Variants in TRMT9B observed in about 807,000 individuals in gnomAD.
The protein encoded by TRMT9B is probable tRNA methyltransferase 9B.
Under a neutral mutation model 11.5 loss-of-function variants are expected in TRMT9B, and 16 were observed. That is an observed-to-expected ratio of 1.39 (90% CI 0.94 to 2.11). The LOEUF is 2.11. Among genes scored for constraint, TRMT9B ranks in the 30% most tolerant of loss-of-function variants. The pLI is 0.00. For missense variants in TRMT9B, 941 were observed against 553.8 expected, an observed-to-expected ratio of 1.70 and a Z score of -7.02; for synonymous variants, 274 against 192.4, an observed-to-expected ratio of 1.42 and a Z score of -3.51.
At chr8:12,948,531 T>G (rs1800377353) in intron 1 of TRMT9B, among the ~76,000 whole-genome samples, 1 of 147,860 alleles carries the variant, frequency 6.8e-6, no homozygotes, top group African/African-American at 2.5e-5. Flanking sequence ...ATATTCATAT[T>G]GCATATATAT....
At chr8:13,013,044 T>A (rs1811949551) in intron 4 of TRMT9B, among the ~76,000 whole-genome samples, 187 bp downstream of exon 4, 2 of 152,260 alleles carry the variant, frequency 1.3e-5, no homozygotes, top group Admixed American at 1.3e-4. Flanking sequence ...ATGGCACATA[T>A]GATTGTTTTA....
chr8:13,018,069 A>G (rs978871318), intron 4 of TRMT9B, among the ~76,000 whole-genome samples: 1 of 148,530 alleles, frequency 6.7e-6, no homozygotes, highest in African/African-American at 2.5e-5. Flanking sequence ...TCACTTAAGC[A>G]TTAATAAATG....
chr8:13,021,922 T>C lies in TRMT9B; in HGVS notation c.1243T>C (p.Phe415Leu), dbSNP rs1221647220. The change falls in exon 5 of 5, where the codon TTT (phenylalanine) becomes CTT (leucine). Residue 415 changes from phenylalanine to leucine, a missense_variant. Physicochemically the swap from Phe to Leu is conservative, Grantham distance 22. Transcript: ENST00000524591. ...AGCCTTTATGCGCTACTACCATGTGTTTCGAGAAGGGGAGCTCTGCAGTCT... is the reference window on the plus strand; with the variant it reads ...AGCCTTTATGCGCTACTACCATGTGCTTCGAGAAGGGGAGCTCTGCAGTCT... Reference protein sequence around the residue: ...STAFMRYYHVFREGELCSLLK... With the variant: ...STAFMRYYHVLREGELCSLLK... The C allele has an allele frequency of 1.2e-6, 2 of 1,613,780 alleles. No homozygotes were observed. Among genetic ancestry groups the C allele is most frequent in the Non-Finnish European group, 1.7e-6 (2 of 1,179,878 alleles).
intron 1 of TRMT9B, among the ~76,000 whole-genome samples, chr8:12,972,477 A>C (rs753109434): frequency 2.1e-4 from 32 of 152,312 alleles, no homozygotes; most frequent in Admixed American, 1.2e-3. Flanking sequence ...TATTGGAAAC[A>C]AATGCCGCTG....
intron 2 of TRMT9B, 138 bp downstream of exon 2, chr8:12,991,169 A>AT: frequency 3.5e-6 from 1 of 284,754 alleles, no homozygotes; most frequent in Non-Finnish European, 6.0e-6. Context: ...GTTGGAATTT[A>AT]TTTTTGCATG....
intron 2 of TRMT9B, among the ~76,000 whole-genome samples, chr8:12,995,561 A>G (rs1808189023): frequency 6.6e-6 from 1 of 151,936 alleles, no homozygotes; most frequent in South Asian, 2.1e-4. Context: ...TTCTCCTTGC[A>G]CTTCCCCTGG....
At chr8:12,993,111 G>C (rs1189773986) in intron 2 of TRMT9B, among the ~76,000 whole-genome samples, 1 of 152,188 alleles carries the variant, frequency 6.6e-6, no homozygotes, top group African/African-American at 2.4e-5. Context: ...TGTGGATACA[G>C]CTGAGAGTCT....
At chr8:12,949,454 T>G (rs1027375127) in intron 1 of TRMT9B, among the ~76,000 whole-genome samples, 1 of 152,192 alleles carries the variant, frequency 6.6e-6, no homozygotes, top group African/African-American at 2.4e-5. Context: ...CTAGCTATGT[T>G]TCTCTGGTGT....
chr8:12,969,968 T>C (rs1466895246), intron 1 of TRMT9B: 1 of 151,700 alleles, frequency 6.6e-6, no homozygotes. Context: ...ACAGGCATGA[T>C]TCTGATTTTA....
chr8:12,952,318 A>G (rs1800734265), intron 1 of TRMT9B: 1 of 348,286 alleles, frequency 2.9e-6, no homozygotes. Context: ...CAGGTCGTCT[A>G]GCGCGTGCCC....
At chr8:12,960,195 C>T (rs1801903325) in intron 1 of TRMT9B, 1 of 152,208 alleles carries the variant, frequency 6.6e-6, no homozygotes, top group South Asian at 2.1e-4. Context: ...TTCTCTGAGC[C>T]AGTTTTGGCA....
At chr8:13,005,351 A>G (rs974573428) in intron 2 of TRMT9B, among the ~76,000 whole-genome samples, 1 of 152,202 alleles carries the variant, frequency 6.6e-6, no homozygotes, top group East Asian at 1.9e-4. Flanking sequence ...AAACAGAATA[A>G]GACCTAGTAT....
At chr8:13,017,083 A>AGG (rs201945388) in intron 4 of TRMT9B, among the ~76,000 whole-genome samples, 52,633 of 150,464 alleles carry the variant, frequency 0.35, 9,791 homozygotes, top group Middle Eastern at 0.54. Context: ...AGGTCACACC[A>AGG]CTGCACTCCA....
intron 2 of TRMT9B, among the ~76,000 whole-genome samples, chr8:12,994,047 G>A (rs1807883615): frequency 6.6e-6 from 1 of 152,216 alleles, no homozygotes; most frequent in African/African-American, 2.4e-5. Context: ...ATAACTGTCC[G>A]AGACTGGATC....
chr8:12,973,872 C>T (rs10098600), intron 1 of TRMT9B, among the ~76,000 whole-genome samples: 7,176 of 152,198 alleles, frequency 0.047, 594 homozygotes, highest in African/African-American at 0.16. Context: ...TCGAAAAGAA[C>T]ATTTTGGCCA....
chr8:12,957,829 G>A (rs1022023791), intron 1 of TRMT9B, among the ~76,000 whole-genome samples: 4 of 152,242 alleles, frequency 2.6e-5, no homozygotes, highest in African/African-American at 9.6e-5. Flanking sequence ...TGTTTTTTGA[G>A]TGTACAGTTC....
In TRMT9B at chr8:12,950,804, T is replaced by C. The variant is rs1056473682; in HGVS notation, c.-200+4838T>C. Among the ~76,000 whole-genome samples, 7 of 152,296 alleles carry C rather than the reference T, an allele frequency of 4.6e-5. 1 individual carries two copies. The South Asian group carries it at 8.3e-4, about 18-fold the overall frequency. On this transcript the variant is annotated intron_variant, in intron 1 of 4. Coordinates refer to ENST00000524591, the MANE Select transcript of TRMT9B (RefSeq NM_020844.3). The stretch of plus-strand genomic sequence containing the variant: ...TTGTGTCCTCACAAATAACCTGTTA[T>C]AGACCAGCGTCTATGTGAGACCTGT...
rs1283267725 is a variant in TRMT9B at position 13,024,174 on chromosome 8, G to C, written c.*2130G>C. ...TCCTCCTGCCTCAGCCTCCCAAGTA[G>C]CTGGGACTACTGGCACCCACCACGA... On this transcript the variant is annotated 3_prime_UTR_variant, in exon 5 of 5. Coordinates refer to ENST00000524591, the MANE Select transcript of TRMT9B (RefSeq NM_020844.3). 2.6e-5 allele frequency: 4 copies of C among 151,538 alleles called. No homozygotes were observed. Among genetic ancestry groups the C allele is most frequent in the Non-Finnish European group, 5.9e-5 (4 of 67,922 alleles). The allele number at this position is 151,538 out of a possible 1,614,324, so 9.4% of individuals were successfully genotyped here. A position where few individuals can be genotyped will look rare whatever the true frequency, so the allele number is the denominator to read the frequency against.
intron 2 of TRMT9B, among the ~76,000 whole-genome samples, chr8:12,992,773 G>A (rs1259962260): frequency 6.6e-6 from 1 of 152,132 alleles, no homozygotes; most frequent in Non-Finnish European, 1.5e-5. Context: ...GGAGGCTGAG[G>A]CAGGAGAATT....
Sources: allele counts gnomAD v4.1 joint callset (sites outside exome capture counted in the v4.1 genomes callset), GRCh38; gene constraint gnomAD v4.1.1; transcripts MANE v1.5; gene names NCBI Gene and HGNC (gene_info 2026-07-23, HGNC 2026-07-21).